NRXN1: variants seen among roughly 807,000 people sequenced by gnomAD.
NRXN1 encodes the protein neurexin 1, also known as neurexin-1.
A neutral mutation model predicts 150.9 loss-of-function variants in NRXN1; 39 were observed. The observed-to-expected ratio is 0.26, with a 90% CI of 0.20 to 0.34. NRXN1 has a LOEUF of 0.34. Among genes scored for constraint, NRXN1 ranks in the 10% least tolerant of loss-of-function variants. The probability of loss-of-function intolerance (pLI) is 1.00; values close to 1 mark genes in which losing one functional copy is unlikely to be tolerated. For synonymous variants in NRXN1, 924 were observed against 757.0 expected (o/e 1.22, Z -3.62); for missense variants, 1,815 against 1,949.9 (o/e 0.93, Z 1.30).
intron 2 of NRXN1, among the ~76,000 whole-genome samples, chr2:50,944,736 T>C (rs1360529543): frequency 1.3e-5 from 2 of 152,178 alleles, no homozygotes; most frequent in African/African-American, 4.8e-5. Context: ...TGTTTATGCC[T>C]GTACTGCAAA....
At chr2:50,470,923 G>C (rs1374576009) in intron 16 of NRXN1, among the ~76,000 whole-genome samples, 1 of 151,754 alleles carries the variant, frequency 6.6e-6, no homozygotes, top group African/African-American at 2.4e-5. Flanking sequence ...TTCTGATATA[G>C]GAATATTAGC....
intron 17 of NRXN1, among the ~76,000 whole-genome samples, chr2:50,271,687 A>C (rs1056859157): frequency 6.6e-6 from 1 of 152,200 alleles, no homozygotes; most frequent in East Asian, 1.9e-4. Flanking sequence ...TGAGAAACCT[A>C]TTCATAAATC....
intron 2 of NRXN1, among the ~76,000 whole-genome samples, chr2:50,973,981 G>A (rs927689933): frequency 6.8e-6 from 1 of 147,730 alleles, no homozygotes; most frequent in African/African-American, 2.5e-5. Context: ...TTGCACTCAT[G>A]AGATAATACA....
At chr2:50,003,804 A>G (rs1173947797) in intron 21 of NRXN1, among the ~76,000 whole-genome samples, 1 of 152,150 alleles carries the variant, frequency 6.6e-6, no homozygotes, top group Non-Finnish European at 1.5e-5. Flanking sequence ...GGAAGAAATG[A>G]TGAGCAATTC....
intron 17 of NRXN1, among the ~76,000 whole-genome samples, chr2:50,361,668 G>C (rs760332620): frequency 2.0e-5 from 3 of 152,106 alleles, no homozygotes; most frequent in African/African-American, 4.8e-5. Context: ...TCTACCAGAG[G>C]TACAAAGAGG....
chr2:50,498,890 T>C (rs911991051), intron 13 of NRXN1, among the ~76,000 whole-genome samples: 2 of 152,168 alleles, frequency 1.3e-5, no homozygotes, highest in Non-Finnish European at 2.9e-5. Flanking sequence ...TTGCCATAAT[T>C]GGAAAATGTT....
At chr2:50,590,543 AT>A (rs2103797621) in intron 8 of NRXN1, among the ~76,000 whole-genome samples, 1 of 152,136 alleles carries the variant, frequency 6.6e-6, no homozygotes, top group Admixed American at 6.5e-5. Flanking sequence ...CAGACCTAAT[AT>A]GTGTGCCCCC....
intron 18 of NRXN1, among the ~76,000 whole-genome samples, chr2:50,208,757 A>G (rs1038733382): frequency 5.3e-5 from 8 of 152,140 alleles, no homozygotes; most frequent in African/African-American, 1.4e-4. Flanking sequence ...ACACTTGAAA[A>G]TAACACGAGT....
intron 21 of NRXN1, among the ~76,000 whole-genome samples, chr2:50,042,510 T>C (rs1691147309): frequency 6.6e-6 from 1 of 152,216 alleles, no homozygotes; most frequent in South Asian, 2.1e-4. Context: ...TCTTTCCTTA[T>C]AAATTATCCA....
intron 18 of NRXN1, among the ~76,000 whole-genome samples, chr2:50,196,678 A>C (rs2061788096): frequency 6.6e-6 from 1 of 152,166 alleles, no homozygotes; most frequent in Non-Finnish European, 1.5e-5. Flanking sequence ...GATTTGTTTA[A>C]TATTGCCATT....
At chr2:50,648,984 T>C (rs981832892) in intron 5 of NRXN1, among the ~76,000 whole-genome samples, 1 of 151,928 alleles carries the variant, frequency 6.6e-6, no homozygotes, top group South Asian at 2.1e-4. Flanking sequence ...GGTTTTTCCT[T>C]GTCAGTCAAT....
chr2:50,404,084 C>A (rs549583238), intron 17 of NRXN1, among the ~76,000 whole-genome samples: 4 of 152,162 alleles, frequency 2.6e-5, no homozygotes, highest in Non-Finnish European at 5.9e-5. Context: ...CTCCCTACCC[C>A]CTACCACTTA....
chr2:50,630,128 T>C lies in NRXN1; in HGVS notation c.833-6513A>G, dbSNP rs552838310. Among the ~76,000 whole-genome samples, 4 of 151,784 alleles carry C rather than the reference T, an allele frequency of 2.6e-5. 1 individual carries two copies. The highest frequency in any genetic ancestry group is 7.2e-5 in the African/African-American group (3 of 41,520). The stretch of plus-strand genomic sequence containing the variant: ...ATTCCATATCCGACACACTATAACT[T>C]AGAAGAAAATTCACAGTTCTTGCTC... On this transcript the variant is annotated intron_variant, in intron 5 of 22. Coordinates refer to ENST00000401669, the MANE Select transcript of NRXN1 (RefSeq NM_001330078.2).
At chr2:50,390,139 G>T (rs572438351) in intron 17 of NRXN1, among the ~76,000 whole-genome samples, 19 of 152,188 alleles carry the variant, frequency 1.2e-4, no homozygotes, top group South Asian at 1.2e-3. Context: ...CAGGTAAAAA[G>T]CATGGATTTT....
At chr2:50,370,065 C>A (rs1289933886) in intron 17 of NRXN1, among the ~76,000 whole-genome samples, 2 of 151,994 alleles carry the variant, frequency 1.3e-5, no homozygotes, top group African/African-American at 2.4e-5. Context: ...ATTGAGACTC[C>A]ATTATCTACT....
intron 2 of NRXN1, among the ~76,000 whole-genome samples, chr2:50,952,957 C>A (rs1575038755): frequency 6.6e-6 from 1 of 152,086 alleles, no homozygotes; most frequent in South Asian, 2.1e-4. Context: ...CCATTGTGTC[C>A]CCAGTAAAGT....
chr2:50,404,220 C>G (rs1359883774), intron 17 of NRXN1, among the ~76,000 whole-genome samples: 2 of 151,754 alleles, frequency 1.3e-5, no homozygotes, highest in Non-Finnish European at 2.9e-5. Flanking sequence ...TAGCTATGCT[C>G]TATTTAATAG....
intron 12 of NRXN1, among the ~76,000 whole-genome samples, chr2:50,527,017 T>C (rs1400246405): frequency 1.3e-5 from 2 of 152,200 alleles, no homozygotes; most frequent in East Asian, 3.8e-4. Flanking sequence ...AGCCACAGAA[T>C]ACAGAATCAC....
chr2:50,506,639 C>G (rs781702728), intron 12 of NRXN1, 22 bp from the exon 13 acceptor site: 2 of 1,609,924 alleles, frequency 1.2e-6, no homozygotes, highest in South Asian at 1.1e-5. Context: ...GCCAAACAGT[C>G]ATTATGGACA....
Sources: allele counts gnomAD v4.1 joint callset (sites outside exome capture counted in the v4.1 genomes callset), GRCh38; gene constraint gnomAD v4.1.1; transcripts MANE v1.5; gene names NCBI Gene and HGNC (gene_info 2026-07-23, HGNC 2026-07-21).